The following TGFBR3 variants were observed in gnomAD, a reference collection of about 807,000 sequenced individuals.
The protein encoded by TGFBR3 is transforming growth factor beta receptor type 3.
A neutral mutation model predicts 87.9 loss-of-function variants in TGFBR3; 46 were observed. That is an observed-to-expected ratio of 0.52 (90% CI 0.41 to 0.67). TGFBR3 has a LOEUF of 0.67. Ranked by LOEUF, TGFBR3 falls within the 30% of genes least tolerant of loss-of-function variation. The pLI is 0.00. For missense variants in TGFBR3, 866 were observed against 1,041.9 expected, an observed-to-expected ratio of 0.83 and a Z score of 2.32; for synonymous variants, 381 against 391.6, an observed-to-expected ratio of 0.97 and a Z score of 0.32.
At chr1:91,896,143 C>T (rs981272668) in intron 2 of TGFBR3, among the ~76,000 whole-genome samples, 1 of 152,198 alleles carries the variant, frequency 6.6e-6, no homozygotes, top group Non-Finnish European at 1.5e-5. Context: ...CTGATCCTTC[C>T]TTAAAGCAGG....
intron 4 of TGFBR3, among the ~76,000 whole-genome samples, chr1:91,740,266 C>T (rs1673115530): frequency 6.6e-6 from 1 of 151,654 alleles, no homozygotes; most frequent in African/African-American, 2.4e-5. Flanking sequence ...ACCATGTTGG[C>T]AAGGCTGGTC....
At chr1:91,744,187 C>T (rs925406336) in intron 4 of TGFBR3, among the ~76,000 whole-genome samples, 5 of 151,052 alleles carry the variant, frequency 3.3e-5, no homozygotes, top group Admixed American at 1.3e-4. Flanking sequence ...CAGGTTCAAG[C>T]GATTCTCCTG....
At chr1:91,722,274 G>T in intron 7 of TGFBR3, 130 bp from the exon 8 acceptor site, 1 of 819,098 alleles carries the variant, frequency 1.2e-6, no homozygotes. Flanking sequence ...TTTGACCCCT[G>T]TTTTCCTTGG....
chr1:91,710,746 G>A (rs1671951093), intron 13 of TGFBR3, among the ~76,000 whole-genome samples: 1 of 152,152 alleles, frequency 6.6e-6, no homozygotes, highest in South Asian at 2.1e-4. Context: ...GATTATAACA[G>A]TATATGAGGA....
intron 2 of TGFBR3, among the ~76,000 whole-genome samples, chr1:91,826,224 G>C (rs369995183): frequency 6.6e-6 from 1 of 152,072 alleles, no homozygotes. Context: ...TAGCACATTA[G>C]AGGGTCCCCT....
chr1:91,747,964 C>A (rs748311835), intron 4 of TGFBR3, among the ~76,000 whole-genome samples: 1 of 152,190 alleles, frequency 6.6e-6, no homozygotes, highest in Non-Finnish European at 1.5e-5. Context: ...TATATATCCC[C>A]GACTGGTTCT....
intron 3 of TGFBR3, among the ~76,000 whole-genome samples, chr1:91,769,873 G>A (rs757317861): frequency 8.5e-5 from 13 of 152,242 alleles, no homozygotes; most frequent in Non-Finnish European, 1.3e-4. Flanking sequence ...AAAAACAGTC[G>A]TGGGCTTCAG....
intron 3 of TGFBR3, among the ~76,000 whole-genome samples, chr1:91,792,414 G>A (rs1411276): frequency 0.28 from 43,191 of 152,004 alleles, 7,104 homozygotes; most frequent in African/African-American, 0.46. Context: ...GCACTGGCAC[G>A]CCCATTGCTC....
chr1:91,852,902 C>T (rs1265922337), intron 2 of TGFBR3, among the ~76,000 whole-genome samples: 3 of 152,184 alleles, frequency 2.0e-5, no homozygotes, highest in East Asian at 1.9e-4. Flanking sequence ...CACCTATAAT[C>T]CTAGCACTTT....
intron 12 of TGFBR3, among the ~76,000 whole-genome samples, chr1:91,714,762 C>G (rs1008256910): frequency 6.6e-6 from 1 of 152,126 alleles, no homozygotes; most frequent in Admixed American, 6.5e-5. Context: ...GACCAACTGC[C>G]CATGTGAACT....
chr1:91,719,390 A>T lies in TGFBR3; in HGVS notation c.1488T>A (p.Phe496Leu), dbSNP rs780786832. The change falls in exon 10 of 17, where the codon TTT becomes TTA. Residue 496 changes from phenylalanine to leucine, a missense_variant. By Grantham distance (22) the Phe-to-Leu change is conservative. Coordinates refer to ENST00000212355, the MANE Select transcript of TGFBR3 (RefSeq NM_003243.5). ...AGCCATTCAGAGGAGACTCCAAAACAAAGTGTGTGCCATTCATCTTGGCCT... is the reference window on the plus strand; with the variant it reads ...AGCCATTCAGAGGAGACTCCAAAACTAAGTGTGTGCCATTCATCTTGGCCT... ...TCKAKMNGTH[F>L]VLESPLNGCG... 6.2e-7 allele frequency: 1 copy of T among 1,614,148 alleles called. No individual in the cohort carries two copies. Among genetic ancestry groups the T allele is most frequent in the Non-Finnish European group, 8.5e-7 (1 of 1,180,018 alleles).
chr1:91,793,714 G>A (rs1348158197), intron 3 of TGFBR3, among the ~76,000 whole-genome samples: 1 of 149,722 alleles, frequency 6.7e-6, no homozygotes, highest in Non-Finnish European at 1.5e-5. Context: ...GCTGAGGCAT[G>A]AGAATTGCTT....
chr1:91,850,136 TA>T (rs1677670740), intron 2 of TGFBR3, among the ~76,000 whole-genome samples: 1 of 149,914 alleles, frequency 6.7e-6, no homozygotes, highest in Non-Finnish European at 1.5e-5. Context: ...AAAAACTCAT[TA>T]TTTGCACTAA....
rs770753912 is a variant in TGFBR3 at position 91,695,655 on chromosome 1, T to TCAA, written c.2437+14_2437+16dup. ...ACACAAGCTGTTCACCAACTCTTACTCAACAGTCACACTAACCTGTGTGAG... is the reference window on the plus strand; with the variant it reads ...ACACAAGCTGTTCACCAACTCTTACTCAACAACAGTCACACTAACCTGTGTGAG... On this transcript the variant is annotated intron_variant, in intron 16 of 16. Coordinates refer to ENST00000212355, the MANE Select transcript of TGFBR3 (RefSeq NM_003243.5). 2.6e-5 allele frequency: 41 copies of TCAA among 1,601,942 alleles called. No homozygotes were observed. The Admixed American group carries it at 5.3e-4, about 21-fold the overall frequency.
chr1:91,687,277 C>A (rs1671119514), intron 16 of TGFBR3, among the ~76,000 whole-genome samples: 1 of 152,190 alleles, frequency 6.6e-6, no homozygotes, highest in South Asian at 2.1e-4. Flanking sequence ...TATGATCTCA[C>A]CTGTGAAGAG....
chr1:91,878,320 C>T (rs915554554), intron 1 of TGFBR3, among the ~76,000 whole-genome samples: 2 of 150,376 alleles, frequency 1.3e-5, no homozygotes, highest in Admixed American at 6.6e-5. Context: ...CAGCAATTAT[C>T]ACACAGTTAG....
At chr1:91,863,859 A>G (rs1237334764) in intron 1 of TGFBR3, 1 of 152,220 alleles carries the variant, frequency 6.6e-6, no homozygotes, top group East Asian at 1.9e-4. Context: ...TTCTGTCACC[A>G]TAATTCCACA....
intron 12 of TGFBR3, among the ~76,000 whole-genome samples, chr1:91,713,091 G>A (rs575784285): frequency 2.0e-5 from 3 of 152,298 alleles, no homozygotes; most frequent in South Asian, 2.1e-4. Flanking sequence ...AGCTGGCTCC[G>A]GCGCTGGGTG....
intron 4 of TGFBR3, among the ~76,000 whole-genome samples, chr1:91,735,549 T>A (rs1175607586): frequency 6.6e-6 from 1 of 152,254 alleles, no homozygotes; most frequent in African/African-American, 2.4e-5. Flanking sequence ...AAGAGTGAGA[T>A]GAATGTTTGT....
Sources: gnomAD v4.1 joint callset for allele counts (sites outside exome capture counted in the v4.1 genomes callset) on GRCh38, gnomAD v4.1.1 for gene constraint, MANE v1.5 for transcripts, NCBI Gene and HGNC (gene_info 2026-07-23, HGNC 2026-07-21) for gene names.